Variants in ZNF502 observed in about 807,000 individuals in gnomAD.
The protein encoded by ZNF502 is zinc finger protein 502.
In ZNF502, 29 loss-of-function variants were observed where a neutral mutation model predicts 43.6. The observed-to-expected ratio is 0.67, with a 90% CI of 0.50 to 0.91. ZNF502 has a LOEUF of 0.91. ZNF502 is among the 40% of genes least tolerant of loss of function. The pLI is 0.00. For missense variants in ZNF502, 591 were observed against 647.2 expected (o/e 0.91, Z 0.94); for synonymous variants, 171 against 207.4 (o/e 0.82, Z 1.51).
intron 1 of ZNF502, among the ~76,000 whole-genome samples, chr3:44,713,537 T>A (rs894187485): frequency 6.6e-6 from 1 of 152,194 alleles, no homozygotes; most frequent in Admixed American, 6.5e-5. Context: ...TGATTTAATC[T>A]TCACAACAGC....
At position 44,721,226 on chromosome 3, in the gene ZNF502, A is replaced by G; in HGVS notation, c.409A>G (p.Asn137Asp). The G allele has an allele frequency of 6.2e-7, 1 of 1,614,160 alleles. No homozygotes were observed. Among genetic ancestry groups the G allele is most frequent in the Non-Finnish European group, 8.5e-7 (1 of 1,180,022 alleles). Residue 137 changes from asparagine to aspartate, a missense_variant, in exon 3 of 3, where the codon AAT becomes GAT. Physicochemically the swap from Asn to Asp is conservative, Grantham distance 23 (BLOSUM62 1). Coordinates refer to ENST00000436624, the MANE Select transcript of ZNF502 (RefSeq NM_001134442.3). ...GTGGGAAACAAGTAATATACAAACC[A>G]ATGATATTTCAGACCAAAGTAAATG... is the stretch of plus-strand genomic sequence containing the variant. ...HQWETSNIQT[N>D]DISDQSKCPT...
chr3:44,722,648 A>G lies in ZNF502; in HGVS notation c.*196A>G. ...ACTTGAGGTGGGCATCTGGGAATACAGGGTAGAAAGAAATTCCTGCTTTTC... is the reference window on the plus strand; with the variant it reads ...ACTTGAGGTGGGCATCTGGGAATACGGGGTAGAAAGAAATTCCTGCTTTTC... On this transcript the variant is annotated 3_prime_UTR_variant, in exon 3 of 3. Coordinates refer to ENST00000436624, the MANE Select transcript of ZNF502 (RefSeq NM_001134442.3). 1.6e-6 allele frequency: 1 copy of G among 620,130 alleles called. No homozygotes were observed. The highest frequency in any genetic ancestry group is 2.7e-6 in the Non-Finnish European group (1 of 374,530). 38.4% of individuals were successfully genotyped at this position (620,130 alleles called of 1,614,324 possible).
Position 44,721,155 on chromosome 3 carries a change from G to A in ZNF502, c.338G>A (p.Ser113Asn), listed in dbSNP as rs1704313183. 1 of 1,614,036 alleles carries A rather than the reference G, an allele frequency of 6.2e-7. No homozygotes were observed. The highest frequency in any genetic ancestry group is 8.5e-7 in the Non-Finnish European group (1 of 1,180,038). The change falls in exon 3 of 3, where the codon AGC (serine) becomes AAC (asparagine). Residue 113 changes from serine (S) to asparagine (N), a missense_variant. Coordinates refer to ENST00000436624, the MANE Select transcript of ZNF502 (RefSeq NM_001134442.3). The part of the protein sequence containing the change: ...NFEKSLLLTS[S>N]LVTRLRVSTE... ...GAGAAAAGCTTGCTTTTGACCTCAA[G>A]CCTTGTTACACGTCTCAGGGTTTCT...
intron 1 of ZNF502, among the ~76,000 whole-genome samples, chr3:44,717,136 AC>A (rs1317398775): frequency 6.6e-6 from 1 of 151,942 alleles, no homozygotes; most frequent in Non-Finnish European, 1.5e-5. Flanking sequence ...TTGTGGTTTT[AC>A]TTTTTTTATT....
intron 2 of ZNF502, 40 bp downstream of exon 2, chr3:44,720,356 C>T (rs1285694573): frequency 6.2e-7 from 1 of 1,602,438 alleles, no homozygotes; most frequent in Non-Finnish European, 8.5e-7. Flanking sequence ...AAATAGTCAG[C>T]CAATAGGAAG....
intron 1 of ZNF502, among the ~76,000 whole-genome samples, chr3:44,714,196 GC>G (rs1704089866): frequency 6.6e-6 from 1 of 152,202 alleles, no homozygotes; most frequent in Non-Finnish European, 1.5e-5. Flanking sequence ...GAGGAAGCCA[GC>G]TCTCTAATAG....
chr3:44,713,606 A>G (rs1185531964), intron 1 of ZNF502, among the ~76,000 whole-genome samples: 1 of 147,788 alleles, frequency 6.8e-6, no homozygotes, highest in African/African-American at 2.5e-5. Context: ...TTGAGACGGG[A>G]TTTCACTCTT....
In ZNF502 at chr3:44,723,338, G is replaced by C. The variant is rs147779097; in HGVS notation, c.*886G>C. ...CTGAGCAAGTCACCTACATAACCCT[G>C]CCTGTACTAAGGTGTACACCTGTCT... On this transcript the variant is annotated 3_prime_UTR_variant, in exon 3 of 3. Transcript: ENST00000436624. The C allele has an allele frequency of 3.0e-4, 45 of 152,340 alleles. No individual in the cohort carries two copies. The highest frequency in any genetic ancestry group is 1.1e-3 in the African/African-American group (44 of 41,560). The allele number at this position is 152,340 out of a possible 1,614,324, so 9.4% of individuals were successfully genotyped here.
At chr3:44,715,615 T>C (rs1559498452) in intron 1 of ZNF502, among the ~76,000 whole-genome samples, 1 of 152,142 alleles carries the variant, frequency 6.6e-6, no homozygotes, top group Admixed American at 6.5e-5. Context: ...GAGCAAAATA[T>C]AGATAATAGA....
rs373983636 is a variant in ZNF502 at position 44,721,479 on chromosome 3, G to T, written c.662G>T (p.Arg221Leu). The change falls in exon 3 of 3, where the codon CGA (arginine) becomes CTA (leucine). Residue 221 changes from arginine to leucine, a missense_variant. Transcript: ENST00000436624. The part of the protein sequence containing the change: ...YGCEQCGKTF[R>L]CRSFLTQHQR... ...TGTGAGCAGTGTGGGAAAACATTTC[G>T]ATGTCGATCATTTCTTACTCAGCAT... 4 of 1,614,060 alleles carry T rather than the reference G, an allele frequency of 2.5e-6. No individual in the cohort carries two copies. The African/African-American group carries it at 4.0e-5, about 16-fold the overall frequency.
chr3:44,721,329 C>A lies in ZNF502; in HGVS notation c.512C>A (p.Thr171Asn), dbSNP rs770195517. The change falls in exon 3 of 3, where the codon ACC (threonine) becomes AAC (asparagine). Residue 171 changes from threonine (T) to asparagine (N), a missense_variant. Coordinates refer to ENST00000436624, the MANE Select transcript of ZNF502 (RefSeq NM_001134442.3). ...GKTFTQSSSL[T>N]QHQRTHTGER... The stretch of plus-strand genomic sequence containing the variant: ...ACCTTTACTCAGAGCTCATCCCTTA[C>A]CCAACATCAGAGAACTCATACTGGA... 9.3e-6 allele frequency: 15 copies of A among 1,614,022 alleles called. No homozygotes were observed. Among genetic ancestry groups the A allele is most frequent in the Non-Finnish European group, 1.3e-5 (15 of 1,179,996 alleles).
chr3:44,716,185 A>C (rs141355760), intron 1 of ZNF502, among the ~76,000 whole-genome samples: 2,483 of 151,186 alleles, frequency 0.016, 46 homozygotes, highest in African/African-American at 0.038. Context: ...CAAAGAATAT[A>C]GTCTTTTTTT....
In ZNF502 at chr3:44,720,428, T is replaced by C. The variant is rs11926101; in HGVS notation, c.55+112T>C. 1,088 of 1,098,186 alleles carry C rather than the reference T, an allele frequency of 9.9e-4. 11 individuals are homozygous for C. The highest frequency in any genetic ancestry group is 9.3e-4 in the African/African-American group (59 of 63,738). 68.0% of individuals were successfully genotyped at this position (1,098,186 alleles called of 1,614,324 possible). ...CAGGAGATAAAATAACTGTCTCTTA[T>C]AGGGATGTTGGGGACAGGGGTGGGT... On this transcript the variant is annotated intron_variant, in intron 2 of 2. Transcript: ENST00000436624.
rs754448009 is a variant in ZNF502 at position 44,722,087 on chromosome 3, C to T, written c.1270C>T (p.Arg424Trp). ...KAFIQSICLI[R>W]HQRSHTGEKP... ...CTTCATTCAGAGCATTTGCCTTATT[C>T]GGCACCAGAGAAGTCACACTGGAGA... is the stretch of plus-strand genomic sequence containing the variant. The change falls in exon 3 of 3, where the codon CGG becomes TGG. Residue 424 changes from arginine to tryptophan, a missense_variant. By Grantham distance (101) the Arg-to-Trp change is moderately radical (BLOSUM62 -3). Coordinates refer to ENST00000436624, the MANE Select transcript of ZNF502 (RefSeq NM_001134442.3). The T allele has an allele frequency of 1.7e-5, 28 of 1,613,864 alleles. No homozygotes were observed. Among genetic ancestry groups the T allele is most frequent in the South Asian group, 2.2e-5 (2 of 91,070 alleles).
At chr3:44,712,869 T>A (rs1704054881) in intron 1 of ZNF502, 129 bp downstream of exon 1, 1 of 152,542 alleles carries the variant, frequency 6.6e-6, no homozygotes, top group Non-Finnish European at 1.5e-5. Context: ...TGCCTACGCG[T>A]GCTGCCCGGA....
intron 1 of ZNF502, among the ~76,000 whole-genome samples, chr3:44,713,617 G>A (rs1319410874): frequency 6.7e-6 from 1 of 150,102 alleles, no homozygotes; most frequent in African/African-American, 2.5e-5. Context: ...TTTCACTCTT[G>A]TTGCCCAGGC....
At chr3:44,716,672 T>C (rs1704154484) in intron 1 of ZNF502, among the ~76,000 whole-genome samples, 1 of 152,248 alleles carries the variant, frequency 6.6e-6, no homozygotes, top group South Asian at 2.1e-4. Context: ...TCCAGAAAGA[T>C]GGTACCAACT....
chr3:44,715,563 A>G (rs146597462), intron 1 of ZNF502, among the ~76,000 whole-genome samples: 2,551 of 152,276 alleles, frequency 0.017, 47 homozygotes, highest in African/African-American at 0.039. Flanking sequence ...ACAATAAATA[A>G]TTTGTTATAT....
chr3:44,713,346 A>G (rs1704069185), intron 1 of ZNF502, among the ~76,000 whole-genome samples: 1 of 152,146 alleles, frequency 6.6e-6, no homozygotes, highest in Non-Finnish European at 1.5e-5. Context: ...TATGCCAAAC[A>G]TTACCCCGAA....
Sources: gnomAD v4.1 joint callset for allele counts (sites outside exome capture counted in the v4.1 genomes callset) on GRCh38, gnomAD v4.1.1 for gene constraint, MANE v1.5 for transcripts, NCBI Gene and HGNC (gene_info 2026-07-23, HGNC 2026-07-21) for gene names.